DCDC1: variants seen among roughly 807,000 people sequenced by gnomAD.
DCDC1 encodes the protein doublecortin domain containing 1.
DCDC1 carries 200 observed loss-of-function variants against 178.3 expected under a neutral mutation model. The ratio of observed to expected loss-of-function variants is 1.12; its 90% CI spans 1.00 to 1.26. The LOEUF (loss-of-function observed/expected upper bound fraction) is 1.26. Ranked by LOEUF, DCDC1 falls within the 50% of genes most tolerant of loss-of-function variation. The pLI, the probability that DCDC1 is intolerant of heterozygous loss-of-function variation, is 0.00. For synonymous variants in DCDC1, 690 were observed against 604.8 expected, an observed-to-expected ratio of 1.14 and a Z score of -2.07; for missense variants, 1,983 against 1,749.2, an observed-to-expected ratio of 1.13 and a Z score of -2.38.
intron 21 of DCDC1, among the ~76,000 whole-genome samples, chr11:30,938,276 CTT>C (rs1358907885): frequency 6.6e-6 from 1 of 152,082 alleles, no homozygotes; most frequent in Non-Finnish European, 1.5e-5. Context: ...GTTTCTTCCT[CTT>C]TCTCTCTCTG....
At chr11:31,117,140 A>G (rs1050347061) in intron 11 of DCDC1, among the ~76,000 whole-genome samples, 15 of 152,088 alleles carry the variant, frequency 9.9e-5, no homozygotes, top group African/African-American at 3.6e-4. Flanking sequence ...AGGGGAAATT[A>G]TATTCAGCCT....
intron 7 of DCDC1, among the ~76,000 whole-genome samples, chr11:31,287,992 T>C (rs190306181): frequency 5.3e-5 from 8 of 151,824 alleles, no homozygotes; most frequent in East Asian, 3.9e-4. Flanking sequence ...TTGGTGATAG[T>C]AGCAAACCAA....
intron 1 of DCDC1, among the ~76,000 whole-genome samples, chr11:31,362,982 T>C (rs1290108421): frequency 6.6e-6 from 1 of 152,148 alleles, no homozygotes; most frequent in African/African-American, 2.4e-5. Flanking sequence ...GTAACCCTGA[T>C]GCTAAATGAA....
At position 30,878,718 on chromosome 11, in the gene DCDC1, A is replaced by T. The variant is rs1942374370; in HGVS notation, c.5234-7T>A. On this transcript the variant is annotated splice_polypyrimidine_tract_variant and splice_region_variant and intron_variant, in intron 37 of 38. Coordinates refer to ENST00000684477, the MANE Select transcript of DCDC1 (RefSeq NM_001387274.1). ...TCCATCAGTTGTTTTAACTCTGTTA[A>T]AAAAAAAAAAAAAAGAAGTTGAGAG... 3.6e-6 allele frequency: 1 copy of T among 281,294 alleles called. No individual in the cohort carries two copies. The highest frequency in any genetic ancestry group is 5.2e-6 in the Non-Finnish European group (1 of 191,562). The allele number at this position is 281,294 out of a possible 1,614,324, so 17.4% of individuals were successfully genotyped here.
chr11:31,023,172 C>T (rs1270868868), intron 20 of DCDC1, among the ~76,000 whole-genome samples: 2 of 152,056 alleles, frequency 1.3e-5, no homozygotes, highest in African/African-American at 2.4e-5. Flanking sequence ...TGTCCAGAAG[C>T]GTGGCAAGCC....
At chr11:30,978,197 T>TCTCA (rs1251466953) in intron 20 of DCDC1, among the ~76,000 whole-genome samples, 11 of 152,202 alleles carry the variant, frequency 7.2e-5, no homozygotes, top group Non-Finnish European at 1.5e-4. Context: ...ACTTACCTAT[T>TCTCA]CTCACACGAA....
chr11:31,242,519 T>C (rs1291901883), intron 8 of DCDC1, among the ~76,000 whole-genome samples: 3 of 151,926 alleles, frequency 2.0e-5, no homozygotes, highest in Non-Finnish European at 4.4e-5. Context: ...ATTATTTAAG[T>C]ATATACATGT....
intron 20 of DCDC1, among the ~76,000 whole-genome samples, chr11:31,009,011 T>A (rs1952013449): frequency 6.6e-6 from 1 of 152,148 alleles, no homozygotes. Flanking sequence ...ATTACTCCCC[T>A]ATTCAGGGTA....
chr11:31,139,186 T>C (rs1001493733), intron 9 of DCDC1, among the ~76,000 whole-genome samples: 2 of 152,086 alleles, frequency 1.3e-5, no homozygotes, highest in African/African-American at 4.8e-5. Flanking sequence ...TATATATGTA[T>C]ATGAGCATGA....
intron 21 of DCDC1, among the ~76,000 whole-genome samples, chr11:30,952,158 C>T (rs185159678): frequency 6.6e-6 from 1 of 152,224 alleles, no homozygotes; most frequent in Admixed American, 6.5e-5. Flanking sequence ...AAGTTTCAAT[C>T]CACCAGGGAG....
chr11:31,113,411 G>A (rs1168290565), intron 11 of DCDC1, among the ~76,000 whole-genome samples: 1 of 151,860 alleles, frequency 6.6e-6, no homozygotes, highest in Non-Finnish European at 1.5e-5. Context: ...TTTACATTAG[G>A]TATATCTCTT....
intron 7 of DCDC1, among the ~76,000 whole-genome samples, chr11:31,275,281 A>G (rs1165808748): frequency 6.6e-6 from 1 of 152,168 alleles, no homozygotes; most frequent in African/African-American, 2.4e-5. Context: ...ATTTTTTTCA[A>G]ATAAACCAAT....
At chr11:30,952,985 A>T (rs377431226) in intron 20 of DCDC1, among the ~76,000 whole-genome samples, 17 of 152,110 alleles carry the variant, frequency 1.1e-4, no homozygotes, top group Non-Finnish European at 1.9e-4. Flanking sequence ...GTACCAGATA[A>T]ATTTTTTAAA....
chr11:31,213,404 A>G (rs1411533656), intron 9 of DCDC1, among the ~76,000 whole-genome samples: 2 of 151,844 alleles, frequency 1.3e-5, no homozygotes, highest in Non-Finnish European at 2.9e-5. Context: ...AAATCCCCAA[A>G]GCTTAACACA....
chr11:31,358,352 T>G (rs1433069676), intron 1 of DCDC1, among the ~76,000 whole-genome samples: 1 of 152,108 alleles, frequency 6.6e-6, no homozygotes, highest in African/African-American at 2.4e-5. Context: ...ATTCCCTATT[T>G]AATAAATGGT....
chr11:30,988,440 G>A (rs1950780339), intron 20 of DCDC1, among the ~76,000 whole-genome samples: 1 of 152,026 alleles, frequency 6.6e-6, no homozygotes, highest in Admixed American at 6.6e-5. Flanking sequence ...TGATGATGAT[G>A]ATAACTGGAG....
chr11:31,322,069 T>C (rs1949393610), intron 3 of DCDC1, among the ~76,000 whole-genome samples: 1 of 152,240 alleles, frequency 6.6e-6, no homozygotes, highest in Admixed American at 6.5e-5. Flanking sequence ...ATTGATGTCC[T>C]GTTTTGCATA....
chr11:31,332,848 G>T (rs1225208583), intron 2 of DCDC1, among the ~76,000 whole-genome samples: 1 of 152,196 alleles, frequency 6.6e-6, no homozygotes, highest in Non-Finnish European at 1.5e-5. Flanking sequence ...TGAGAAGAAT[G>T]TATATTCTGC....
At chr11:31,037,991 G>GT (rs1954185069) in intron 20 of DCDC1, among the ~76,000 whole-genome samples, 1 of 143,552 alleles carries the variant, frequency 7.0e-6, no homozygotes, top group African/African-American at 2.6e-5. Context: ...GCGGTGTTTG[G>GT]TTTTTTGTCC....
Sources: gnomAD v4.1 joint callset for allele counts (sites outside exome capture counted in the v4.1 genomes callset) on GRCh38, gnomAD v4.1.1 for gene constraint, MANE v1.5 for transcripts, NCBI Gene and HGNC (gene_info 2026-07-23, HGNC 2026-07-21) for gene names.